The following PDE4D variants were observed in gnomAD, a reference collection of about 807,000 sequenced individuals.
PDE4D encodes the protein 3',5'-cyclic-AMP phosphodiesterase 4D.
In PDE4D, 24 loss-of-function variants were observed where a neutral mutation model predicts 87.4. The observed-to-expected ratio is 0.27, with a 90% CI of 0.20 to 0.39. The LOEUF (loss-of-function observed/expected upper bound fraction) is 0.39. Ranked by LOEUF, PDE4D falls within the 10% of genes least tolerant of loss-of-function variation. The pLI is 1.00. For synonymous variants in PDE4D, 384 were observed against 383.2 expected, an observed-to-expected ratio of 1.00 and a Z score of -0.02; for missense variants, 714 against 1,041.0, an observed-to-expected ratio of 0.69 and a Z score of 4.32.
At chr5:59,679,427 C>A (rs1277605802) in intron 1 of PDE4D, among the ~76,000 whole-genome samples, 3 of 152,180 alleles carry the variant, frequency 2.0e-5, no homozygotes, top group Non-Finnish European at 4.4e-5. Context: ...AATAGGTAAT[C>A]AGATATATCT....
chr5:59,320,759 G>A (rs527565100), intron 1 of PDE4D, among the ~76,000 whole-genome samples: 16 of 151,880 alleles, frequency 1.1e-4, no homozygotes, highest in Admixed American at 2.0e-4. Flanking sequence ...TTAGAGCACC[G>A]CTATTTCCCT....
intron 1 of PDE4D, among the ~76,000 whole-genome samples, chr5:59,639,652 G>T (rs1741203565): frequency 1.3e-5 from 2 of 152,130 alleles, no homozygotes; most frequent in South Asian, 4.1e-4. Flanking sequence ...AGTCTGAGGT[G>T]CCTTCAAGGC....
intron 1 of PDE4D, among the ~76,000 whole-genome samples, chr5:59,346,408 A>C (rs1779607908): frequency 6.6e-6 from 1 of 152,172 alleles, no homozygotes; most frequent in East Asian, 1.9e-4. Flanking sequence ...ATTTTAACCA[A>C]CATGAGGAAG....
intron 1 of PDE4D, among the ~76,000 whole-genome samples, chr5:60,375,998 C>T (rs1761403605): frequency 6.6e-6 from 1 of 152,152 alleles, no homozygotes; most frequent in Non-Finnish European, 1.5e-5. Flanking sequence ...GAGATCGCGC[C>T]ACTGCACTCC....
At chr5:59,855,269 T>C (rs1014298060) in intron 1 of PDE4D, among the ~76,000 whole-genome samples, 1 of 152,168 alleles carries the variant, frequency 6.6e-6, no homozygotes, top group Non-Finnish European at 1.5e-5. Flanking sequence ...TTCCTCTAGC[T>C]GCTGTCAACA....
chr5:60,158,485 G>A (rs1015948176), intron 2 of PDE4D, among the ~76,000 whole-genome samples: 1 of 152,204 alleles, frequency 6.6e-6, no homozygotes, highest in African/African-American at 2.4e-5. Context: ...AGTGAGTGGT[G>A]AGTATGCCTG....
At position 60,378,558 on chromosome 5, in the gene PDE4D, A is replaced by G. The variant is rs186352006; in HGVS notation, c.-90+109384T>C. ...ATAGAAACATAAGTAAAATACTTTTAAAAGAAAAAAAAGGGCCAGGCATGG... is the reference window on the plus strand; with the variant it reads ...ATAGAAACATAAGTAAAATACTTTTGAAAGAAAAAAAAGGGCCAGGCATGG... On this transcript the variant is annotated intron_variant, in intron 1 of 16. Coordinates refer to the PDE4D transcript ENST00000502484. Among the ~76,000 whole-genome samples the G allele has an allele frequency of 8.7e-4, 133 of 152,274 alleles. 2 individuals are homozygous for G. Among genetic ancestry groups the G allele is most frequent in the Non-Finnish European group, 1.2e-4 (8 of 68,028 alleles).
intron 2 of PDE4D, among the ~76,000 whole-genome samples, chr5:60,144,580 C>T (rs1265572215): frequency 1.3e-5 from 2 of 152,152 alleles, no homozygotes; most frequent in Non-Finnish European, 2.9e-5. Context: ...GGTCTTCATT[C>T]ATTTTATTAC....
At chr5:59,940,172 G>T in intron 3 of PDE4D, among the ~76,000 whole-genome samples, 1 of 152,188 alleles carries the variant, frequency 6.6e-6, no homozygotes, top group Non-Finnish European at 1.5e-5. Flanking sequence ...GCTTCAGGAA[G>T]TGACAGATCC....
At chr5:60,078,856 T>C (rs1463987041) in intron 2 of PDE4D, among the ~76,000 whole-genome samples, 2 of 152,214 alleles carry the variant, frequency 1.3e-5, no homozygotes, top group African/African-American at 2.4e-5. Flanking sequence ...TACAAGTGCA[T>C]GTATCTTTGT....
chr5:59,114,652 C>T (rs1773265292), intron 5 of PDE4D, among the ~76,000 whole-genome samples: 1 of 151,956 alleles, frequency 6.6e-6, no homozygotes, highest in African/African-American at 2.4e-5. Flanking sequence ...CTGGGAACCC[C>T]AGGTCAAAGG....
chr5:59,738,003 T>A (rs9292211), intron 1 of PDE4D, among the ~76,000 whole-genome samples: 28,824 of 152,160 alleles, frequency 0.19, 3,300 homozygotes, highest in Middle Eastern at 0.35. Context: ...GTTCGTATTA[T>A]ACATTAAAGA....
At chr5:59,821,682 A>T (rs1437297267) in intron 1 of PDE4D, among the ~76,000 whole-genome samples, 1 of 152,200 alleles carries the variant, frequency 6.6e-6, no homozygotes, top group African/African-American at 2.4e-5. Flanking sequence ...TTTTAACTTC[A>T]TCATTTCTAT....
At chr5:59,207,891 G>A (rs749580675) in intron 2 of PDE4D, among the ~76,000 whole-genome samples, 1 of 151,328 alleles carries the variant, frequency 6.6e-6, no homozygotes, top group Non-Finnish European at 1.5e-5. Flanking sequence ...TTAAAAGTGA[G>A]TTCAGTCTGT....
chr5:60,259,107 T>C (rs867297578), intron 1 of PDE4D, among the ~76,000 whole-genome samples: 6 of 152,086 alleles, frequency 3.9e-5, no homozygotes, highest in African/African-American at 1.4e-4. Flanking sequence ...TGAGCCACTA[T>C]AGTCATCTTT....
chr5:59,550,004 G>T (rs1220567127), intron 1 of PDE4D, among the ~76,000 whole-genome samples: 1 of 151,332 alleles, frequency 6.6e-6, no homozygotes, highest in African/African-American at 2.4e-5. Context: ...GTGTCACAGA[G>T]GTCTCTTTGC....
Position 59,241,980 on chromosome 5 carries a change from T to C in PDE4D, c.456-26012A>G, listed in dbSNP as rs77209411. On this transcript the variant is annotated intron_variant, in intron 1 of 14. Coordinates refer to ENST00000340635, the MANE Select transcript of PDE4D (RefSeq NM_001104631.2). ...GAAAAGCTTAGTTAAGTGACTTTAA[T>C]ATTAATATATTCATTTCTGTATTTC... 1.6e-3 allele frequency among the ~76,000 whole-genome samples: 237 copies of C among 152,324 alleles called. 3 individuals carry two copies. In the East Asian group the frequency reaches 0.036, roughly 23 times the overall value.
At chr5:59,305,214 T>A (rs1581860716) in intron 1 of PDE4D, among the ~76,000 whole-genome samples, 1 of 152,270 alleles carries the variant, frequency 6.6e-6, no homozygotes, top group East Asian at 1.9e-4. Flanking sequence ...ATATCTTTTG[T>A]ATTTCAGTGG....
chr5:60,307,040 C>T (rs1403619216), intron 1 of PDE4D, among the ~76,000 whole-genome samples: 1 of 151,874 alleles, frequency 6.6e-6, no homozygotes, highest in Non-Finnish European at 1.5e-5. Flanking sequence ...TATTACAAAC[C>T]TAATACCATA....
Sources: allele counts gnomAD v4.1 joint callset (sites outside exome capture counted in the v4.1 genomes callset), GRCh38; gene constraint gnomAD v4.1.1; transcripts MANE v1.5; gene names NCBI Gene and HGNC (gene_info 2026-07-23, HGNC 2026-07-21).